Variants in ARID4B observed in about 807,000 individuals in gnomAD.
ARID4B encodes the protein AT-rich interactive domain-containing protein 4B.
A neutral mutation model predicts 147.5 loss-of-function variants in ARID4B; 26 were observed. The ratio of observed to expected loss-of-function variants is 0.18; its 90% CI spans 0.13 to 0.24. The LOEUF (loss-of-function observed/expected upper bound fraction) is 0.24, where lower values mean the gene tolerates loss of function less well. Among genes scored for constraint, ARID4B ranks in the 10% least tolerant of loss-of-function variants. The pLI, the probability that ARID4B is intolerant of heterozygous loss-of-function variation, is 1.00. For synonymous variants in ARID4B, 512 were observed against 507.9 expected (o/e 1.01, Z -0.11); for missense variants, 1,179 against 1,511.5 (o/e 0.78, Z 3.65).
intron 2 of ARID4B, among the ~76,000 whole-genome samples, chr1:235,279,934 T>C (rs1671560207): frequency 6.6e-6 from 1 of 152,134 alleles, no homozygotes; most frequent in African/African-American, 2.4e-5. Context: ...CCGGGAGAAA[T>C]TTGCACCTGG....
At chr1:235,320,121 G>A (rs568928101) in intron 2 of ARID4B, among the ~76,000 whole-genome samples, 2 of 140,206 alleles carry the variant, frequency 1.4e-5, no homozygotes, top group Admixed American at 6.9e-5. Context: ...GCGAAACTCC[G>A]TCTAAAAAAA....
intron 6 of ARID4B, among the ~76,000 whole-genome samples, chr1:235,247,768 T>C (rs1232085987): frequency 1.3e-5 from 2 of 152,014 alleles, no homozygotes; most frequent in Non-Finnish European, 2.9e-5. Context: ...GCAGGTGGAA[T>C]ACCTGAGATC....
At chr1:235,299,338 C>T (rs1311417286) in intron 2 of ARID4B, among the ~76,000 whole-genome samples, 1 of 152,102 alleles carries the variant, frequency 6.6e-6, no homozygotes, top group African/African-American at 2.4e-5. Flanking sequence ...CTCAGCCGCC[C>T]GAGTAGCTGG....
chr1:235,270,144 G>A (rs1022989233), intron 2 of ARID4B, among the ~76,000 whole-genome samples: 29 of 152,056 alleles, frequency 1.9e-4, no homozygotes, highest in African/African-American at 6.8e-4. Flanking sequence ...TTAGCCGGGC[G>A]TCATGACAGG....
intron 2 of ARID4B, among the ~76,000 whole-genome samples, chr1:235,279,160 A>G (rs990333394): frequency 1.3e-5 from 2 of 152,180 alleles, no homozygotes; most frequent in African/African-American, 4.8e-5. Context: ...GGAGGGAAAC[A>G]GCATTTTGTG....
chr1:235,311,161 A>T (rs1265787081), intron 2 of ARID4B, among the ~76,000 whole-genome samples: 1 of 152,046 alleles, frequency 6.6e-6, no homozygotes, highest in Non-Finnish European at 1.5e-5. Context: ...GTTCAAGACC[A>T]GCCTAGGCAA....
In ARID4B at chr1:235,327,197, G is replaced by A. The variant is rs1675344509; in HGVS notation, c.-49-229C>T. On this transcript the variant is annotated intron_variant, in intron 1 of 23. Coordinates refer to ENST00000264183, the MANE Select transcript of ARID4B (RefSeq NM_016374.6). Reference sequence around the variant, plus strand: ...CTTCCCGTCCCCATTGTCGAGACCCGACGGAGTTTCCCGTCTACGACAATG... The same window carrying A: ...CTTCCCGTCCCCATTGTCGAGACCCAACGGAGTTTCCCGTCTACGACAATG... 2.2e-5 allele frequency: 9 copies of A among 414,802 alleles called. No individual in the cohort carries two copies. In the South Asian group the frequency reaches 2.6e-4, roughly 12 times the overall value. 25.7% of individuals were successfully genotyped at this position (414,802 alleles called of 1,614,324 possible). A position where few individuals can be genotyped will look rare whatever the true frequency, so the allele number is the denominator to read the frequency against.
intron 2 of ARID4B, among the ~76,000 whole-genome samples, chr1:235,269,506 A>G (rs1057510382): frequency 2.0e-5 from 3 of 152,222 alleles, no homozygotes; most frequent in Admixed American, 6.5e-5. Context: ...ATTCTGTTCT[A>G]TTTATCAGGA....
chr1:235,224,686 A>G lies in ARID4B; in HGVS notation c.970+17T>C. The G allele has an allele frequency of 1.3e-6, 2 of 1,518,650 alleles. No individual in the cohort carries two copies. Among genetic ancestry groups the G allele is most frequent in the South Asian group, 2.3e-5 (2 of 85,226 alleles). The allele number at this position is 1,518,650 out of a possible 1,614,324, so 94.1% of individuals were successfully genotyped here. On this transcript the variant is annotated intron_variant, in intron 12 of 23. Transcript: ENST00000264183. ...GTCCAAAACTTACCACGTTAATGAT[A>G]AATAAAAAATACTCACCTCTATCTT...
chr1:235,271,961 TAATAATA>T (rs1671017103), intron 2 of ARID4B, among the ~76,000 whole-genome samples: 1 of 111,616 alleles, frequency 9.0e-6, no homozygotes, highest in South Asian at 3.6e-4. Context: ...AAAGTAATAA[TAATAATA>T]AATAATAATA....
Position 235,296,839 on chromosome 1 carries a change from G to A in ARID4B, c.6+30075C>T, listed in dbSNP as rs796857351. ...GAAGGAAGGAAGGAAGGAAGGAAGG[G>A]AGGAAGGAGGGAGGGAAGGAAGGGA... On this transcript the variant is annotated intron_variant, in intron 2 of 23. Coordinates refer to ENST00000264183, the MANE Select transcript of ARID4B (RefSeq NM_016374.6). Among the ~76,000 whole-genome samples, 24 of 40,582 alleles carry A rather than the reference G, an allele frequency of 5.9e-4. 2 individuals are homozygous for A. Among genetic ancestry groups the A allele is most frequent in the South Asian group, 1.6e-3 (2 of 1,252 alleles). 26.6% of individuals were successfully genotyped at this position (40,582 alleles called of 152,430 possible).
intron 16 of ARID4B, among the ~76,000 whole-genome samples, chr1:235,218,321 T>C (rs988955915): frequency 6.6e-6 from 1 of 152,090 alleles, no homozygotes; most frequent in African/African-American, 2.4e-5. Flanking sequence ...ACCTACAAAA[T>C]ACAGTTTATT....
chr1:235,223,274 C>T lies in ARID4B; in HGVS notation c.971-14G>A, dbSNP rs988280194. On this transcript the variant is annotated splice_polypyrimidine_tract_variant and intron_variant, in intron 12 of 23. Transcript: ENST00000264183. ...TAATAGGTGTACCTGTTACAGAAAA[C>T]ACAAACTATATTAGATCCACACTAC... The T allele has an allele frequency of 7.0e-6, 10 of 1,427,296 alleles. No individual in the cohort carries two copies. In the African/African-American group the frequency reaches 1.5e-4, roughly 21 times the overall value. The allele number at this position is 1,427,296 out of a possible 1,614,324, so 88.4% of individuals were successfully genotyped here.
intron 2 of ARID4B, among the ~76,000 whole-genome samples, chr1:235,271,204 A>G (rs1273694292): frequency 6.6e-6 from 1 of 152,148 alleles, no homozygotes; most frequent in Non-Finnish European, 1.5e-5. Context: ...AATTTTGAAA[A>G]ATAAGCCAGA....
At chr1:235,196,444 T>C (rs1665494491) in intron 17 of ARID4B, among the ~76,000 whole-genome samples, 1 of 152,232 alleles carries the variant, frequency 6.6e-6, no homozygotes, top group Admixed American at 6.5e-5. Context: ...CAGTATTTTC[T>C]ACATTTTGTT....
intron 2 of ARID4B, among the ~76,000 whole-genome samples, chr1:235,265,053 T>G (rs1230881131): frequency 7.1e-6 from 1 of 141,174 alleles, no homozygotes; most frequent in Non-Finnish European, 1.5e-5. Flanking sequence ...AGAGTGAAAC[T>G]TCGTCTCAAA....
intron 12 of ARID4B, 94 bp from the exon 13 acceptor site, chr1:235,223,354 TA>T: frequency 2.6e-6 from 1 of 385,252 alleles, no homozygotes; most frequent in Non-Finnish European, 4.5e-6. Context: ...TATAGTATTT[TA>T]TATATATATA....
chr1:235,306,536 A>C (rs1673581538), intron 2 of ARID4B, among the ~76,000 whole-genome samples: 1 of 152,148 alleles, frequency 6.6e-6, no homozygotes, highest in Non-Finnish European at 1.5e-5. Context: ...GCTAATTACT[A>C]AAGTATATGA....
At chr1:235,233,526 C>T (rs1668372262) in intron 9 of ARID4B, among the ~76,000 whole-genome samples, 1 of 151,994 alleles carries the variant, frequency 6.6e-6, no homozygotes, top group Non-Finnish European at 1.5e-5. Context: ...ACATGATGAC[C>T]TTTTTAAGGT....
Sources: allele counts gnomAD v4.1 joint callset (sites outside exome capture counted in the v4.1 genomes callset), GRCh38; gene constraint gnomAD v4.1.1; transcripts MANE v1.5; gene names NCBI Gene and HGNC (gene_info 2026-07-23, HGNC 2026-07-21).